The following SYNRG variants were observed in gnomAD, a reference collection of about 807,000 sequenced individuals.
SYNRG encodes synergin gamma, also known as AP1 gamma subunit binding protein 1.
Under a neutral mutation model 130.9 loss-of-function variants are expected in SYNRG, and 37 were observed. That is an observed-to-expected ratio of 0.28 (90% CI 0.22 to 0.37). The LOEUF (loss-of-function observed/expected upper bound fraction) is 0.37, where lower values mean the gene tolerates loss of function less well. Among genes scored for constraint, SYNRG ranks in the 10% least tolerant of loss-of-function variants. SYNRG has a pLI of 1.00. For synonymous variants in SYNRG, 539 were observed against 568.1 expected (o/e 0.95, Z 0.73); for missense variants, 1,338 against 1,588.9 (o/e 0.84, Z 2.68).
intron 18 of SYNRG, chr17:37,536,844 A>T (rs1221724201): frequency 6.6e-6 from 1 of 152,258 alleles, no homozygotes; most frequent in East Asian, 1.9e-4. Context: ...CACCAGACAC[A>T]TCCCTAACCC....
chr17:37,569,822 G>A (rs1226023471), intron 10 of SYNRG, among the ~76,000 whole-genome samples: 1 of 151,930 alleles, frequency 6.6e-6, no homozygotes, highest in Non-Finnish European at 1.5e-5. Flanking sequence ...CACTCCAGAA[G>A]TACTGTTAAC....
chr17:37,568,662 G>T, intron 11 of SYNRG, 129 bp downstream of exon 11: 1 of 984,000 alleles, frequency 1.0e-6, no homozygotes. Context: ...TAATACAGAG[G>T]GAATAAACAC....
intron 3 of SYNRG, among the ~76,000 whole-genome samples, chr17:37,588,306 A>G (rs1408495394): frequency 4.0e-5 from 6 of 149,940 alleles, no homozygotes; most frequent in Non-Finnish European, 7.4e-5. Context: ...TCTGTCACCA[A>G]AGTTGGGATG....
intron 19 of SYNRG, among the ~76,000 whole-genome samples, chr17:37,523,003 TC>T (rs1194570341): frequency 6.6e-6 from 1 of 152,118 alleles, no homozygotes; most frequent in Non-Finnish European, 1.5e-5. Context: ...ACTGAGGACA[TC>T]CCTCAGTCCT....
intron 20 of SYNRG, 112 bp from the exon 21 acceptor site, chr17:37,520,326 G>A (rs991357873): frequency 2.8e-5 from 40 of 1,406,512 alleles, no homozygotes; most frequent in South Asian, 2.3e-5. Flanking sequence ...ACTATGCACA[G>A]GGTGCTGCAG....
At chr17:37,524,396 A>T (rs1427041865) in intron 19 of SYNRG, among the ~76,000 whole-genome samples, 4 of 152,232 alleles carry the variant, frequency 2.6e-5, no homozygotes, top group Non-Finnish European at 5.9e-5. Flanking sequence ...TAAACCATGA[A>T]CTAGCTCCAC....
At chr17:37,551,728 C>A in intron 14 of SYNRG, among the ~76,000 whole-genome samples, 1 of 150,246 alleles carries the variant, frequency 6.7e-6, no homozygotes. Flanking sequence ...AATAAAAATC[C>A]AATATTGTTC....
chr17:37,606,095 T>C, intron 1 of SYNRG: 1 of 818,738 alleles, frequency 1.2e-6, no homozygotes, highest in Non-Finnish European at 1.5e-6. Flanking sequence ...TTCCTTAGTT[T>C]AAACTCAAGG....
chr17:37,568,675 A>C, intron 11 of SYNRG, 116 bp downstream of exon 11: 1 of 1,107,314 alleles, frequency 9.0e-7, no homozygotes. Flanking sequence ...ATAAACACAG[A>C]AAGTAGTAGA....
intron 1 of SYNRG, chr17:37,605,738 G>C: frequency 1.1e-6 from 1 of 910,434 alleles, no homozygotes; most frequent in Non-Finnish European, 1.3e-6. Flanking sequence ...GCAGGAAGGT[G>C]ACCAACAATT....
At chr17:37,590,901 A>G (rs113690659) in intron 3 of SYNRG, among the ~76,000 whole-genome samples, 2 of 152,318 alleles carry the variant, frequency 1.3e-5, no homozygotes, top group African/African-American at 4.8e-5. Context: ...AGCCTGGGCG[A>G]CAGAGTAGTA....
intron 19 of SYNRG, among the ~76,000 whole-genome samples, chr17:37,535,471 ACCT>A (rs1422195293): frequency 5.3e-5 from 8 of 152,166 alleles, no homozygotes; most frequent in African/African-American, 9.7e-5. Context: ...ACACACACTG[ACCT>A]CCTAGTTCAC....
rs766324604 is a variant in SYNRG at position 37,553,994 on chromosome 17, C to T, written c.1729G>A (p.Asp577Asn). Reference protein sequence around the residue: ...DDGFTDFKTADSVSPLEPPTK... With the variant: ...DDGFTDFKTANSVSPLEPPTK... ...GGTGGCTCTAGTGGTGATACACTAT[C>T]GGCTGTTTTAAAATCGGTGAAACCA... Residue 577 changes from aspartate (D) to asparagine (N), a missense_variant, in exon 14 of 22, where the codon GAT (aspartate) becomes AAT (asparagine). Asp to Asn is a conservative substitution (Grantham distance 23). Transcript: ENST00000612223. 10 of 1,608,566 alleles carry T rather than the reference C, an allele frequency of 6.2e-6. No individual in the cohort carries two copies. The highest frequency in any genetic ancestry group is 4.5e-5 in the East Asian group (2 of 44,876).
chr17:37,537,134 A>C (rs2057266557), intron 18 of SYNRG: 1 of 152,302 alleles, frequency 6.6e-6, no homozygotes, highest in South Asian at 2.1e-4. Context: ...CTGTTTGAGC[A>C]GGAAAAGAAG....
intron 19 of SYNRG, among the ~76,000 whole-genome samples, chr17:37,535,286 A>G (rs1009322737): frequency 6.6e-6 from 1 of 152,188 alleles, no homozygotes; most frequent in East Asian, 1.9e-4. Flanking sequence ...TGTAAAAAAT[A>G]CCTTAGGGAA....
chr17:37,515,842 C>T lies in SYNRG; in HGVS notation c.*3098G>A, dbSNP rs2054387037. ...ATACAGCCCTATAATCTTTGCAAAG[C>T]TGAAGTACACTTGAAATAGGCAAAC... is the stretch of plus-strand genomic sequence containing the variant. On this transcript the variant is annotated 3_prime_UTR_variant, in exon 22 of 22. Transcript: ENST00000612223. The T allele has an allele frequency of 6.6e-6, 1 of 152,188 alleles. No homozygotes were observed. Among genetic ancestry groups the T allele is most frequent in the Non-Finnish European group, 1.5e-5 (1 of 68,042 alleles). 9.4% of individuals were successfully genotyped at this position (152,188 alleles called of 1,614,324 possible). A position where few individuals can be genotyped will look rare whatever the true frequency, so the allele number is the denominator to read the frequency against.
In SYNRG at chr17:37,515,869, G is replaced by T. The variant is rs541682880; in HGVS notation, c.*3071C>A. The T allele has an allele frequency of 6.6e-6, 1 of 152,260 alleles. No individual in the cohort carries two copies. The highest frequency in any genetic ancestry group is 2.1e-4 in the South Asian group (1 of 4,816). 9.4% of individuals were successfully genotyped at this position (152,260 alleles called of 1,614,324 possible). The stretch of plus-strand genomic sequence containing the variant: ...GAAGTACACTTGAAATAGGCAAACA[G>T]AAGACACCTTTAAACAAATAAGACC... On this transcript the variant is annotated 3_prime_UTR_variant, in exon 22 of 22. Coordinates refer to ENST00000612223, the MANE Select transcript of SYNRG (RefSeq NM_007247.6).
At chr17:37,577,695 CTTTTTTTTTTT>C (rs34008016) in intron 6 of SYNRG, 82 bp from the exon 7 acceptor site, 2 of 584,704 alleles carry the variant, frequency 3.4e-6, no homozygotes, top group African/African-American at 2.6e-5. Context: ...CCCCCATATT[CTTTTTTTTTTT>C]TTTTTTTTTT....
At position 37,571,854 on chromosome 17, in the gene SYNRG, A is replaced by G; in HGVS notation, c.1035T>C (p.Thr345=). 6.2e-7 allele frequency: 1 copy of G among 1,614,202 alleles called. No individual in the cohort carries two copies. The change falls in exon 9 of 22, where the codon ACT becomes ACC. Residue 345 remains threonine, a synonymous_variant. Transcript: ENST00000612223. The stretch of plus-strand genomic sequence containing the variant: ...CTTCTTTTGTAAGTTTGCCAGGTGT[A>G]GTTCGATTAGCTAAGGCCCATATCT... The part of the protein sequence containing the change: ...LGQIWALANR[T]TPGKLTKEEL...
Sources: allele counts gnomAD v4.1 joint callset (sites outside exome capture counted in the v4.1 genomes callset), GRCh38; gene constraint gnomAD v4.1.1; transcripts MANE v1.5; gene names NCBI Gene and HGNC (gene_info 2026-07-23, HGNC 2026-07-21).